The following KIAA1549L variants were observed in gnomAD, a reference collection of about 807,000 sequenced individuals.
KIAA1549L encodes KIAA1549 like, also known as UPF0606 protein KIAA1549L.
Under a neutral mutation model 160.7 loss-of-function variants are expected in KIAA1549L, and 88 were observed. The ratio of observed to expected loss-of-function variants is 0.55; its 90% confidence interval spans 0.46 to 0.65. KIAA1549L has a LOEUF of 0.65. Among genes scored for constraint, KIAA1549L ranks in the 30% least tolerant of loss-of-function variants. KIAA1549L has a pLI of 0.00. For missense variants in KIAA1549L, 2,258 were observed against 2,437.5 expected (o/e 0.93, Z 1.55); for synonymous variants, 950 against 976.7 (o/e 0.97, Z 0.51).
At chr11:33,580,349 G>A (rs1855592958) in intron 10 of KIAA1549L, among the ~76,000 whole-genome samples, 1 of 152,056 alleles carries the variant, frequency 6.6e-6, no homozygotes, top group African/African-American at 2.4e-5. Flanking sequence ...TGAGGTGGGT[G>A]GATCACCTGA....
intron 1 of KIAA1549L, among the ~76,000 whole-genome samples, chr11:33,417,285 G>A (rs1319882324): frequency 1.3e-5 from 2 of 152,064 alleles, no homozygotes; most frequent in African/African-American, 2.4e-5. Flanking sequence ...TGGCACTGCC[G>A]CACAGGCACA....
intron 1 of KIAA1549L, among the ~76,000 whole-genome samples, chr11:33,440,617 A>G (rs1400298587): frequency 6.6e-6 from 1 of 152,200 alleles, no homozygotes; most frequent in African/African-American, 2.4e-5. Flanking sequence ...TATTATCCAT[A>G]CTTTTCTACA....
intron 16 of KIAA1549L, among the ~76,000 whole-genome samples, chr11:33,642,744 C>A (rs191971559): frequency 4.0e-5 from 6 of 151,594 alleles, no homozygotes; most frequent in African/African-American, 1.5e-4. Flanking sequence ...ACCAGGTAAT[C>A]GAAAAAGGTT....
chr11:33,540,918 G>A (rs948600511), intron 1 of KIAA1549L, among the ~76,000 whole-genome samples: 1 of 152,164 alleles, frequency 6.6e-6, no homozygotes, highest in Non-Finnish European at 1.5e-5. Context: ...ATACCCTGAT[G>A]AGTTCTAAAA....
intron 1 of KIAA1549L, among the ~76,000 whole-genome samples, chr11:33,466,517 G>A (rs997915130): frequency 1.6e-4 from 24 of 152,206 alleles, no homozygotes; most frequent in South Asian, 2.1e-4. Flanking sequence ...TACACTGTTG[G>A]TGGGAGTGTA....
At chr11:33,607,867 C>G (rs1850548418) in intron 14 of KIAA1549L, among the ~76,000 whole-genome samples, 1 of 152,166 alleles carries the variant, frequency 6.6e-6, no homozygotes, top group South Asian at 2.1e-4. Flanking sequence ...GATGGGTAAA[C>G]CTTCATTGAT....
rs1852721380 is a variant in KIAA1549L, at chr11:33,673,609, T to G, written c.*5455T>G. ...GTGATTTTGAGGAGCACATGCATAA[T>G]GTATCTGAAAATGGCTTGACAAGCA... On this transcript the variant is annotated 3_prime_UTR_variant, in exon 21 of 21. Coordinates refer to ENST00000658780, the MANE Select transcript of KIAA1549L (RefSeq NM_012194.3). The G allele has an allele frequency of 6.6e-6, 1 of 152,222 alleles. No homozygotes were observed. The highest frequency in any genetic ancestry group is 1.5e-5 in the Non-Finnish European group (1 of 68,044). 9.4% of individuals were successfully genotyped at this position (152,222 alleles called of 1,614,324 possible). A position where few individuals can be genotyped will look rare whatever the true frequency, so the allele number is the denominator to read the frequency against.
chr11:33,656,625 T>C lies in KIAA1549L; in HGVS notation c.5858+516T>C, dbSNP rs1439701505. On this transcript the variant is annotated intron_variant, in intron 18 of 20. Coordinates refer to ENST00000658780, the MANE Select transcript of KIAA1549L (RefSeq NM_012194.3). ...GGAAAATCTAACGAGGGCATGTTTT[T>C]AATAAGGATGGACAAGAAGAACAAA... is the stretch of plus-strand genomic sequence containing the variant. Among the ~76,000 whole-genome samples the C allele has an allele frequency of 5.3e-5, 8 of 152,182 alleles. 1 individual carries two copies. Among genetic ancestry groups the C allele is most frequent in the Admixed American group, 3.9e-4 (6 of 15,282 alleles).
rs543804192 is a variant in KIAA1549L, at chr11:33,442,148, G to T, written c.238+65259G>T. 1.2e-3 allele frequency among the ~76,000 whole-genome samples: 189 copies of T among 152,190 alleles called. 1 individual carries two copies. Among genetic ancestry groups the T allele is most frequent in the African/African-American group, 4.5e-3 (188 of 41,556 alleles). On this transcript the variant is annotated intron_variant, in intron 1 of 20. Coordinates refer to ENST00000658780, the MANE Select transcript of KIAA1549L (RefSeq NM_012194.3). The stretch of plus-strand genomic sequence containing the variant: ...TCAGCTTTCTACATATGGCTAGCCA[G>T]TTTTCCCAGCACCATTTATTAAATA...
At chr11:33,519,942 C>CT (rs66807433) in intron 1 of KIAA1549L, among the ~76,000 whole-genome samples, 7,515 of 145,268 alleles carry the variant, frequency 0.052, 569 homozygotes, top group African/African-American at 0.17. Flanking sequence ...GGGTCGCCAT[C>CT]TTTTTTTTTT....
chr11:33,507,126 G>C (rs2133098728), intron 1 of KIAA1549L, among the ~76,000 whole-genome samples: 1 of 152,318 alleles, frequency 6.6e-6, no homozygotes, highest in East Asian at 1.9e-4. Context: ...GGGTTTTATT[G>C]AATCGTGACT....
At chr11:33,523,170 T>A (rs1196248117) in intron 1 of KIAA1549L, among the ~76,000 whole-genome samples, 1 of 152,252 alleles carries the variant, frequency 6.6e-6, no homozygotes, top group African/African-American at 2.4e-5. Context: ...ACAATGACTT[T>A]AACTCTGGAA....
intron 20 of KIAA1549L, among the ~76,000 whole-genome samples, chr11:33,664,799 A>C (rs1251236003): frequency 3.3e-5 from 5 of 152,206 alleles, no homozygotes; most frequent in Non-Finnish European, 1.5e-5. Flanking sequence ...GTTGTTTATA[A>C]GCTCCCCAGC....
At chr11:33,456,224 A>G (rs1439882424) in intron 1 of KIAA1549L, among the ~76,000 whole-genome samples, 1 of 152,190 alleles carries the variant, frequency 6.6e-6, no homozygotes, top group African/African-American at 2.4e-5. Flanking sequence ...ACTCCAATCG[A>G]TGACCTAATT....
chr11:33,420,566 AGTT>A (rs943553458), intron 1 of KIAA1549L, among the ~76,000 whole-genome samples: 1 of 152,090 alleles, frequency 6.6e-6, no homozygotes, highest in Non-Finnish European at 1.5e-5. Flanking sequence ...GTTCTGAAGA[AGTT>A]GTATGGATTT....
chr11:33,642,916 G>A (rs1851625870), intron 16 of KIAA1549L, among the ~76,000 whole-genome samples: 1 of 152,204 alleles, frequency 6.6e-6, no homozygotes, highest in South Asian at 2.1e-4. Context: ...AATGCCAAGT[G>A]CCTGTGCTAG....
At chr11:33,532,464 G>A (rs951661895) in intron 1 of KIAA1549L, among the ~76,000 whole-genome samples, 17 of 152,166 alleles carry the variant, frequency 1.1e-4, no homozygotes, top group Non-Finnish European at 2.9e-5. Flanking sequence ...AGGACTTTAC[G>A]CGTATCAGCT....
chr11:33,506,713 TA>T (rs200555881), intron 1 of KIAA1549L, among the ~76,000 whole-genome samples: 1,430 of 110,502 alleles, frequency 0.013, 7 homozygotes, highest in Non-Finnish European at 0.014. Context: ...AACACCTTGC[TA>T]AAAAAAAAAA....
chr11:33,432,285 C>T (rs551900663), intron 1 of KIAA1549L, among the ~76,000 whole-genome samples: 13 of 152,368 alleles, frequency 8.5e-5, no homozygotes, highest in Non-Finnish European at 1.9e-4. Flanking sequence ...GCTGTGAGGA[C>T]TGCCAGCACA....
Sources: allele counts gnomAD v4.1 joint callset (sites outside exome capture counted in the v4.1 genomes callset), GRCh38; gene constraint gnomAD v4.1.1; transcripts MANE v1.5; gene names NCBI Gene and HGNC (gene_info 2026-07-23, HGNC 2026-07-21).